The following MRTFB variants were observed in gnomAD, a reference collection of about 807,000 sequenced individuals.
The protein encoded by MRTFB is myocardin related transcription factor B.
A neutral mutation model predicts 104.2 loss-of-function variants in MRTFB; 29 were observed. The observed-to-expected ratio is 0.28, with a 90% CI of 0.21 to 0.38. MRTFB has a LOEUF of 0.38. Among genes scored for constraint, MRTFB ranks in the 10% least tolerant of loss-of-function variants. The probability of loss-of-function intolerance (pLI) is 1.00; values close to 1 mark genes in which losing one functional copy is unlikely to be tolerated. For missense variants in MRTFB, 1,270 were observed against 1,341.6 expected (o/e 0.95, Z 0.83); for synonymous variants, 535 against 519.5 (o/e 1.03, Z -0.41).
At chr16:14,044,840 C>G in the MRTFB span, among the ~76,000 whole-genome samples, 1 of 152,162 alleles carries the variant, frequency 6.6e-6, no homozygotes, top group African/African-American at 2.4e-5. Flanking sequence ...TCAGGAGGCC[C>G]TTGCTGACCT....
rs528720415 is a variant in MRTFB, at chr16:14,237,024, A to G, written c.831+2741A>G. On this transcript the variant is annotated intron_variant, in intron 9 of 16. Coordinates refer to ENST00000571589, the MANE Select transcript of MRTFB (RefSeq NM_001308142.2). Reference sequence around the variant, plus strand: ...TGTGTCTAAGTGACTAGCAACTTGCAGTTGCCACGTCCTGTAATGGAAAGG... The same window carrying G: ...TGTGTCTAAGTGACTAGCAACTTGCGGTTGCCACGTCCTGTAATGGAAAGG... Among the ~76,000 whole-genome samples, 14 of 152,324 alleles carry G rather than the reference A, an allele frequency of 9.2e-5. No homozygotes were observed. In the East Asian group the frequency reaches 2.7e-3, roughly 29 times the overall value.
intron 3 of MRTFB, chr16:14,191,807 G>T (rs1414991040): frequency 2.0e-5 from 3 of 152,124 alleles, no homozygotes; most frequent in Non-Finnish European, 4.4e-5. Flanking sequence ...CAGAATGATT[G>T]CTGGGTCATT....
intron 2 of MRTFB, among the ~76,000 whole-genome samples, chr16:14,084,269 A>G (rs533856853): frequency 3.2e-4 from 48 of 152,338 alleles, no homozygotes; most frequent in Non-Finnish European, 6.3e-4. Context: ...TAGGCACGGT[A>G]TCTCACAACT....
intron 3 of MRTFB, among the ~76,000 whole-genome samples, chr16:14,203,828 A>T (rs921158502): frequency 1.3e-5 from 2 of 151,074 alleles, no homozygotes; most frequent in Non-Finnish European, 2.9e-5. Context: ...AAAAAAAAAA[A>T]ATTTCAACAT....
intron 3 of MRTFB, among the ~76,000 whole-genome samples, chr16:14,185,277 A>G (rs2039913355): frequency 6.6e-6 from 1 of 152,206 alleles, no homozygotes; most frequent in Non-Finnish European, 1.5e-5. Flanking sequence ...TTCTAGAACA[A>G]TATGGGTTTA....
Position 14,119,300 on chromosome 16 carries a change from T to G in MRTFB, c.-63-21244T>G, listed in dbSNP as rs74439326. Reference sequence around the variant, plus strand: ...TTGTTGGTCTTATTTGAATATAGTTTGGCAGTTGGCTGCCTCTGATTGGCT... The same window carrying G: ...TTGTTGGTCTTATTTGAATATAGTTGGGCAGTTGGCTGCCTCTGATTGGCT... On this transcript the variant is annotated intron_variant, in intron 2 of 16. Transcript: ENST00000571589. Among the ~76,000 whole-genome samples, 1,476 of 152,330 alleles carry G rather than the reference T, an allele frequency of 9.7e-3. 26 individuals are homozygous for G. Among genetic ancestry groups the G allele is most frequent in the African/African-American group, 0.034 (1,406 of 41,576 alleles).
intron 2 of MRTFB, among the ~76,000 whole-genome samples, chr16:14,128,709 A>G (rs1289892968): frequency 6.6e-6 from 1 of 152,174 alleles, no homozygotes; most frequent in Admixed American, 6.5e-5. Context: ...ATGTACAACA[A>G]TTTAACCCAT....
upstream of MRTFB, among the ~76,000 whole-genome samples, chr16:14,068,935 C>T (rs1176189153): frequency 6.6e-6 from 1 of 150,956 alleles, no homozygotes; most frequent in African/African-American, 2.5e-5. Flanking sequence ...TCTCCTGTCC[C>T]TCGACACCAG....
chr16:14,073,003 T>C (rs2033815139), intron 1 of MRTFB, among the ~76,000 whole-genome samples: 1 of 152,232 alleles, frequency 6.6e-6, no homozygotes. Flanking sequence ...ATCTCACTTG[T>C]TTGTATATGC....
intron 8 of MRTFB, among the ~76,000 whole-genome samples, chr16:14,228,052 A>G (rs2042090100): frequency 2.0e-5 from 3 of 152,200 alleles, no homozygotes; most frequent in Admixed American, 2.0e-4. Context: ...GATATCACTA[A>G]TCATTAAGGA....
chr16:14,164,787 C>T (rs769249388), intron 3 of MRTFB, among the ~76,000 whole-genome samples: 6 of 152,136 alleles, frequency 3.9e-5, no homozygotes, highest in Admixed American at 6.5e-5. Context: ...CCCAAAGTTA[C>T]GTGGCTGGAA....
the MRTFB span, among the ~76,000 whole-genome samples, chr16:14,005,628 C>T: frequency 6.6e-6 from 1 of 152,230 alleles, no homozygotes; most frequent in East Asian, 1.9e-4. Flanking sequence ...TTGCAAAGGC[C>T]GTACTATTTT....
At chr16:14,049,734 A>G in the MRTFB span, among the ~76,000 whole-genome samples, 5,152 of 152,222 alleles carry the variant, frequency 0.034, 294 homozygotes, top group African/African-American at 0.12. Flanking sequence ...TACATGGAGT[A>G]TTTAGGATTT....
At chr16:14,083,270 T>C (rs1472242687) in intron 2 of MRTFB, among the ~76,000 whole-genome samples, 1 of 152,106 alleles carries the variant, frequency 6.6e-6, no homozygotes, top group African/African-American at 2.4e-5. Flanking sequence ...ATCTTTAGGG[T>C]TGTCTATATA....
At chr16:14,040,272 G>C in the MRTFB span, among the ~76,000 whole-genome samples, 1 of 152,002 alleles carries the variant, frequency 6.6e-6, no homozygotes, top group Non-Finnish European at 1.5e-5. Flanking sequence ...CCAATTTTTA[G>C]CTTTTATAAC....
chr16:14,174,130 A>G (rs1056225868), intron 3 of MRTFB, among the ~76,000 whole-genome samples: 1 of 152,182 alleles, frequency 6.6e-6, no homozygotes, highest in African/African-American at 2.4e-5. Context: ...ATTCACTATC[A>G]TCAGTGCAAT....
intron 3 of MRTFB, among the ~76,000 whole-genome samples, chr16:14,170,872 G>A (rs968286284): frequency 1.4e-4 from 21 of 152,202 alleles, no homozygotes; most frequent in Admixed American, 6.5e-4. Context: ...TAATTGCTAA[G>A]TGGTAATAAT....
chr16:14,064,843 G>A, the MRTFB span, among the ~76,000 whole-genome samples: 2 of 152,178 alleles, frequency 1.3e-5, no homozygotes, highest in East Asian at 3.8e-4. Flanking sequence ...CCAGAACCAC[G>A]CTGTTTTGGT....
Position 14,261,116 on chromosome 16 carries a change from C to T in MRTFB, c.2972C>T (p.Pro991Leu). ...GAAGCTTTCTTGGATGGAACTTTAC[C>T]CTCAGCCAATGAAATTCCTCCACTA... ...QLEAFLDGTL[P>L]SANEIPPLQS... Residue 991 changes from proline (P) to leucine (L), a missense_variant, in exon 17 of 17, where the codon CCC (proline) becomes CTC (leucine). Pro to Leu is a moderately conservative substitution (Grantham distance 98). Around this residue, in one of 3 missense-constraint regions of MRTFB, gnomAD observed 1,144 missense variants for 1,131.5 expected, o/e 1.01. Transcript: ENST00000571589. 2.5e-6 allele frequency: 4 copies of T among 1,614,134 alleles called. No individual in the cohort carries two copies. Among genetic ancestry groups the T allele is most frequent in the Non-Finnish European group, 3.4e-6 (4 of 1,180,020 alleles).
Sources: allele counts gnomAD v4.1 joint callset (sites outside exome capture counted in the v4.1 genomes callset), GRCh38; gene constraint gnomAD v4.1.1; regional missense constraint gnomAD v4.1.1; transcripts MANE v1.5; gene names NCBI Gene and HGNC (gene_info 2026-07-23, HGNC 2026-07-21).